Variants in EXT1 observed in about 807,000 individuals in gnomAD.
EXT1 encodes the protein exostosin glycosyltransferase 1, also known as exostosin-1.
Under a neutral mutation model 82.5 loss-of-function variants are expected in EXT1, and 20 were observed. The ratio of observed to expected loss-of-function variants is 0.24; its 90% confidence interval spans 0.17 to 0.35. The LOEUF is 0.35. Among genes scored for constraint, EXT1 ranks in the 10% least tolerant of loss-of-function variants. The pLI, the probability that EXT1 is intolerant of heterozygous loss-of-function variation, is 1.00. For missense variants in EXT1, 757 were observed against 936.5 expected, an observed-to-expected ratio of 0.81 and a Z score of 2.50; for synonymous variants, 348 against 350.8, an observed-to-expected ratio of 0.99 and a Z score of 0.09.
At chr8:118,000,775 C>T (rs893825467) in intron 1 of EXT1, among the ~76,000 whole-genome samples, 6 of 151,620 alleles carry the variant, frequency 4.0e-5, no homozygotes, top group African/African-American at 1.5e-4. Flanking sequence ...CAAATCATCA[C>T]ATCATGGATG....
chr8:117,891,688 C>G (rs1813245424), intron 1 of EXT1, among the ~76,000 whole-genome samples: 1 of 152,086 alleles, frequency 6.6e-6, no homozygotes, highest in South Asian at 2.1e-4. Context: ...TTTATTGAAC[C>G]TTTTTATCCC....
chr8:117,835,351 T>C (rs1305442395), intron 3 of EXT1, 93 bp downstream of exon 3: 3 of 912,142 alleles, frequency 3.3e-6, no homozygotes, highest in African/African-American at 1.6e-5. Flanking sequence ...ATTTCTTTTA[T>C]AGAGCTGACC....
chr8:117,884,214 G>A (rs577773858), intron 1 of EXT1, among the ~76,000 whole-genome samples: 1 of 152,244 alleles, frequency 6.6e-6, no homozygotes, highest in East Asian at 1.9e-4. Context: ...CTTTCTCCAC[G>A]CCATTCCTTG....
intron 1 of EXT1, among the ~76,000 whole-genome samples, chr8:117,933,596 T>G (rs779790339): frequency 2.6e-5 from 4 of 152,170 alleles, no homozygotes; most frequent in Non-Finnish European, 2.9e-5. Context: ...GCAAGTTTAT[T>G]TATTCACTGT....
chr8:118,045,154 G>A (rs895823631), intron 1 of EXT1, among the ~76,000 whole-genome samples: 1 of 152,136 alleles, frequency 6.6e-6, no homozygotes, highest in Non-Finnish European at 1.5e-5. Context: ...TCTACCTTCT[G>A]TTTCTGAATT....
rs146108006 is a variant in EXT1, at chr8:117,819,709, G to T, written c.1503C>A (p.Leu501=). 6.2e-7 allele frequency: 1 copy of T among 1,612,848 alleles called. No homozygotes were observed. ...AGTACTGGGACTTGGCTGCAGCCACGAGAAGCTTCAACACTGGCTGGGACT... is the reference window on the plus strand; with the variant it reads ...AGTACTGGGACTTGGCTGCAGCCACTAGAAGCTTCAACACTGGCTGGGACT... ...VSQSQPVLKL[L]VAAAKSQYCA... The change falls in exon 6 of 11, where the codon CTC becomes CTA. Residue 501 remains leucine, a synonymous_variant. Transcript: ENST00000378204.
At position 118,094,269 on chromosome 8, in the gene EXT1, G is replaced by A. The variant is rs144324517; in HGVS notation, c.962+15816C>T. Among the ~76,000 whole-genome samples the A allele has an allele frequency of 3.4e-3, 523 of 152,168 alleles. 3 individuals carry two copies. Among genetic ancestry groups the A allele is most frequent in the African/African-American group, 0.012 (490 of 41,494 alleles). On this transcript the variant is annotated intron_variant, in intron 1 of 10. Transcript: ENST00000378204. ...AGTCATATTAATGATTTGTACTCTCGGTTGAACAACATCTGGGAAATAAAA... is the reference window on the plus strand; with the variant it reads ...AGTCATATTAATGATTTGTACTCTCAGTTGAACAACATCTGGGAAATAAAA...
At chr8:117,890,671 C>A (rs1411400510) in intron 1 of EXT1, among the ~76,000 whole-genome samples, 2 of 152,124 alleles carry the variant, frequency 1.3e-5, no homozygotes, top group Admixed American at 1.3e-4. Flanking sequence ...TGGGTATTCC[C>A]AGGTTCGGGT....
intron 1 of EXT1, among the ~76,000 whole-genome samples, chr8:117,963,396 T>C (rs914356203): frequency 6.6e-6 from 1 of 152,172 alleles, no homozygotes; most frequent in Non-Finnish European, 1.5e-5. Flanking sequence ...TAAAACTCCA[T>C]GTCTTATTTG....
At chr8:117,972,421 T>A (rs1361422896) in intron 1 of EXT1, among the ~76,000 whole-genome samples, 3 of 152,116 alleles carry the variant, frequency 2.0e-5, no homozygotes, top group Non-Finnish European at 4.4e-5. Flanking sequence ...ACAGGAAAGG[T>A]CAATTGCTAG....
chr8:117,808,079 A>G (rs1417021751), intron 8 of EXT1, among the ~76,000 whole-genome samples: 3 of 152,240 alleles, frequency 2.0e-5, no homozygotes, highest in African/African-American at 4.8e-5. Flanking sequence ...TCCGGTGCTT[A>G]TAGTAGCCCA....
At chr8:117,819,415 T>TA (rs1563570306) in intron 6 of EXT1, among the ~76,000 whole-genome samples, 1 of 152,126 alleles carries the variant, frequency 6.6e-6, no homozygotes, top group East Asian at 1.9e-4. Context: ...TGTTGGTGTA[T>TA]GTATATATAC....
At chr8:118,097,907 G>A (rs1255477995) in intron 1 of EXT1, among the ~76,000 whole-genome samples, 2 of 152,184 alleles carry the variant, frequency 1.3e-5, no homozygotes, top group African/African-American at 2.4e-5. Flanking sequence ...CACATACCAG[G>A]AGAATTTGGC....
chr8:117,929,127 T>C (rs907801314), intron 1 of EXT1, among the ~76,000 whole-genome samples: 1 of 152,208 alleles, frequency 6.6e-6, no homozygotes, highest in African/African-American at 2.4e-5. Context: ...GTACAGTGCA[T>C]GGAAGAGTGC....
At chr8:118,045,511 A>G (rs1816609058) in intron 1 of EXT1, among the ~76,000 whole-genome samples, 1 of 152,132 alleles carries the variant, frequency 6.6e-6, no homozygotes, top group Non-Finnish European at 1.5e-5. Flanking sequence ...CGTATTAACA[A>G]CATAGAATGT....
intron 1 of EXT1, among the ~76,000 whole-genome samples, chr8:117,899,849 ACT>A (rs1813408613): frequency 6.6e-6 from 1 of 152,230 alleles, no homozygotes; most frequent in Admixed American, 6.5e-5. Flanking sequence ...CAACTTGAGC[ACT>A]GTTTGCCACT....
intron 1 of EXT1, among the ~76,000 whole-genome samples, chr8:118,067,510 A>T (rs759545784): frequency 2.0e-5 from 3 of 152,236 alleles, no homozygotes; most frequent in Non-Finnish European, 2.9e-5. Context: ...ACTTTCCAGG[A>T]TGGACATAGT....
At chr8:117,933,241 T>G (rs1402783264) in intron 1 of EXT1, among the ~76,000 whole-genome samples, 1 of 140,462 alleles carries the variant, frequency 7.1e-6, no homozygotes, top group Non-Finnish European at 1.5e-5. Context: ...TGGGTATTTT[T>G]TTTTTTTTTT....
intron 1 of EXT1, among the ~76,000 whole-genome samples, chr8:117,902,027 T>C (rs1044950634): frequency 6.6e-6 from 1 of 151,818 alleles, no homozygotes; most frequent in Non-Finnish European, 1.5e-5. Flanking sequence ...TTTTTTTTTT[T>C]ACTTGTTCAA....
Sources: gnomAD v4.1 joint callset for allele counts (sites outside exome capture counted in the v4.1 genomes callset) on GRCh38, gnomAD v4.1.1 for gene constraint, MANE v1.5 for transcripts, NCBI Gene and HGNC (gene_info 2026-07-23, HGNC 2026-07-21) for gene names.